The following MARCO variants were observed in gnomAD, a reference collection of about 807,000 sequenced individuals.
The protein encoded by MARCO is macrophage receptor MARCO.
A neutral mutation model predicts 70.0 loss-of-function variants in MARCO; 72 were observed. That is an observed-to-expected ratio of 1.03 (90% CI 0.85 to 1.25). MARCO has a LOEUF of 1.25. Among genes scored for constraint, MARCO ranks in the 50% most tolerant of loss-of-function variants. MARCO has a pLI of 0.00. For missense variants in MARCO, 696 were observed against 659.3 expected (o/e 1.06, Z -0.61); for synonymous variants, 273 against 243.1 (o/e 1.12, Z -1.14).
chr2:118,976,334 CT>C (rs1221544674), intron 6 of MARCO, among the ~76,000 whole-genome samples: 1 of 152,166 alleles, frequency 6.6e-6, no homozygotes, highest in African/African-American at 2.4e-5. Context: ...CAGAGCCCAT[CT>C]GCACTTTCTG....
chr2:118,975,314 C>T (rs1034474406), intron 6 of MARCO, among the ~76,000 whole-genome samples: 1 of 152,038 alleles, frequency 6.6e-6, no homozygotes. Context: ...TGTGAAGATG[C>T]GAAGACATTA....
intron 1 of MARCO, among the ~76,000 whole-genome samples, chr2:118,963,589 T>A (rs895464325): frequency 7.2e-5 from 11 of 152,186 alleles, no homozygotes; most frequent in Non-Finnish European, 4.4e-5. Flanking sequence ...GTATTCTGTG[T>A]GTTCATTAGA....
At position 118,993,104 on chromosome 2, in the gene MARCO, A is replaced by C; in HGVS notation, c.1253-20A>C. ...CCAAGGGGCCTTCCTTGCCTCTCCC[A>C]TGTGTGTTTCTTCACCCAGGTGAAA... is the stretch of plus-strand genomic sequence containing the variant. On this transcript the variant is annotated intron_variant, in intron 15 of 16. Transcript: ENST00000327097. The C allele has an allele frequency of 6.2e-7, 1 of 1,613,386 alleles. No individual in the cohort carries two copies. The highest frequency in any genetic ancestry group is 8.5e-7 in the Non-Finnish European group (1 of 1,179,408).
chr2:118,994,416 C>A lies in MARCO; in HGVS notation c.1459C>A (p.Gln487Lys). The A allele has an allele frequency of 6.2e-7, 1 of 1,614,176 alleles. No individual in the cohort carries two copies. Among genetic ancestry groups the A allele is most frequent in the South Asian group, 1.1e-5 (1 of 91,088 alleles). The change falls in exon 17 of 17, where the codon CAG (glutamine) becomes AAG (lysine). Residue 487 changes from glutamine to lysine, a missense_variant. Physicochemically the swap from Gln to Lys is moderately conservative, Grantham distance 53 (BLOSUM62 1). Coordinates refer to ENST00000327097, the MANE Select transcript of MARCO (RefSeq NM_006770.4). ...TGGGCAGATCTGGCTGGATAATGTT[C>A]AGTGTCGGGGCACGGAGAGTACCCT... ...GTGQIWLDNVQCRGTESTLWS... is the reference protein window; with the variant it reads ...GTGQIWLDNVKCRGTESTLWS...
chr2:118,983,587 G>T (rs1573404209), intron 12 of MARCO, among the ~76,000 whole-genome samples: 1 of 152,254 alleles, frequency 6.6e-6, no homozygotes, highest in Admixed American at 6.5e-5. Context: ...GCCACTAGCT[G>T]GGTCTCACCA....
intron 1 of MARCO, among the ~76,000 whole-genome samples, chr2:118,945,420 T>C (rs1679577637): frequency 6.8e-6 from 1 of 146,174 alleles, no homozygotes; most frequent in African/African-American, 2.6e-5. Flanking sequence ...TTTTTTTTTT[T>C]TTTCTTTTTT....
chr2:118,942,514 A>C, intron 1 of MARCO, 117 bp downstream of exon 1: 1 of 781,060 alleles, frequency 1.3e-6, no homozygotes, highest in Non-Finnish European at 2.1e-6. Context: ...TGCATTTTGC[A>C]CGTAATCATC....
chr2:118,984,231 G>A lies in MARCO; in HGVS notation c.1063+1821G>A, dbSNP rs146191997. Among the ~76,000 whole-genome samples, 22 of 152,308 alleles carry A rather than the reference G, an allele frequency of 1.4e-4. 1 individual carries two copies. In the East Asian group the frequency reaches 3.1e-3, roughly 21 times the overall value. On this transcript the variant is annotated intron_variant, in intron 12 of 16. Coordinates refer to ENST00000327097, the MANE Select transcript of MARCO (RefSeq NM_006770.4). ...CAGTTCAGAAAGGATCAGAGCAGAA[G>A]GTAGCAGCTTGTTCCATTCCTGGGA...
rs970972856 is a variant in MARCO, at chr2:118,958,594, C to G, written c.98-10566C>G. Among the ~76,000 whole-genome samples, 6 of 152,000 alleles carry G rather than the reference C, an allele frequency of 3.9e-5. No homozygotes were observed. In the East Asian group the frequency reaches 5.8e-4, roughly 15 times the overall value. Reference sequence around the variant, plus strand: ...TAATCGTACTGCCAAAAGCAATCTACAAATTCGATGCAATCCCCATCAAAA... The same window carrying G: ...TAATCGTACTGCCAAAAGCAATCTAGAAATTCGATGCAATCCCCATCAAAA... On this transcript the variant is annotated intron_variant, in intron 1 of 16. Transcript: ENST00000327097.
At chr2:118,954,347 C>A (rs1456391323) in intron 1 of MARCO, among the ~76,000 whole-genome samples, 1 of 152,146 alleles carries the variant, frequency 6.6e-6, no homozygotes, top group Non-Finnish European at 1.5e-5. Flanking sequence ...CAGCCATAAT[C>A]CTTCTAGGTA....
At chr2:118,989,650 G>A (rs1680584607) in intron 12 of MARCO, among the ~76,000 whole-genome samples, 1 of 152,224 alleles carries the variant, frequency 6.6e-6, no homozygotes, top group Non-Finnish European at 1.5e-5. Context: ...GAGAGGTGGG[G>A]CAGGGCAGGC....
At chr2:118,973,300 T>C (rs1680210656) in intron 4 of MARCO, among the ~76,000 whole-genome samples, 1 of 152,170 alleles carries the variant, frequency 6.6e-6, no homozygotes, top group Non-Finnish European at 1.5e-5. Flanking sequence ...TCTCTCTCTC[T>C]CTGAATATAG....
At chr2:118,992,410 G>C in intron 14 of MARCO, 22 bp from the exon 15 acceptor site, 1 of 1,612,614 alleles carries the variant, frequency 6.2e-7, no homozygotes, top group African/African-American at 1.3e-5. Flanking sequence ...TTCAAACCGT[G>C]TGGGTTTTCT....
chr2:118,986,683 A>AGG lies in MARCO; in HGVS notation c.1064-3906_1064-3905insGG, dbSNP rs1558671823. ...AAGGAAGGAAGGAAGGAAAGAAAGA[A>AGG]AGAAAGAAAGAAAGAAAGAAAGAAA... On this transcript the variant is annotated intron_variant, in intron 12 of 16. Transcript: ENST00000327097. 1.7e-3 allele frequency among the ~76,000 whole-genome samples: 108 copies of AGG among 61,980 alleles called. 1 individual carries two copies. The highest frequency in any genetic ancestry group is 2.6e-3 in the Admixed American group (16 of 6,202). 40.7% of individuals were successfully genotyped at this position (61,980 alleles called of 152,430 possible). A position where few individuals can be genotyped will look rare whatever the true frequency, so the allele number is the denominator to read the frequency against.
intron 12 of MARCO, among the ~76,000 whole-genome samples, chr2:118,985,947 A>G (rs1470773579): frequency 1.3e-5 from 2 of 152,138 alleles, no homozygotes; most frequent in Non-Finnish European, 2.9e-5. Context: ...CCATTTTCTC[A>G]TCTGTATTTG....
At chr2:118,992,126 C>A (rs913027659) in intron 14 of MARCO, among the ~76,000 whole-genome samples, 1 of 152,184 alleles carries the variant, frequency 6.6e-6, no homozygotes, top group Non-Finnish European at 1.5e-5. Flanking sequence ...CCATGCCCCA[C>A]GACCCAACAC....
intron 12 of MARCO, among the ~76,000 whole-genome samples, chr2:118,989,960 T>G (rs1680589849): frequency 1.3e-5 from 2 of 152,070 alleles, no homozygotes; most frequent in South Asian, 4.2e-4. Flanking sequence ...CATGAAAGTT[T>G]ACTGAAAAAA....
chr2:118,951,183 C>G (rs1020453239), intron 1 of MARCO, among the ~76,000 whole-genome samples: 3 of 152,188 alleles, frequency 2.0e-5, no homozygotes, highest in Non-Finnish European at 4.4e-5. Context: ...GTCCTTTTCT[C>G]TCAATCACCT....
chr2:118,971,807 G>A (rs1217225629), intron 4 of MARCO, among the ~76,000 whole-genome samples: 1 of 152,214 alleles, frequency 6.6e-6, no homozygotes, highest in Admixed American at 6.5e-5. Flanking sequence ...GCCAGACCAG[G>A]CATCATCTGG....
Sources: gnomAD v4.1 joint callset for allele counts (sites outside exome capture counted in the v4.1 genomes callset) on GRCh38, gnomAD v4.1.1 for gene constraint, MANE v1.5 for transcripts, NCBI Gene and HGNC (gene_info 2026-07-23, HGNC 2026-07-21) for gene names.